The following USH2A variants were observed in gnomAD, a reference collection of about 807,000 sequenced individuals.
USH2A encodes usherin.
USH2A carries 443 observed loss-of-function variants against 538.9 expected under a neutral mutation model. The ratio of observed to expected loss-of-function variants is 0.82; its 90% CI spans 0.76 to 0.89. The LOEUF (loss-of-function observed/expected upper bound fraction) is 0.89. Ranked by LOEUF, USH2A falls within the 40% of genes least tolerant of loss-of-function variation. USH2A has a pLI of 0.00. For missense variants in USH2A, 6,633 were observed against 6,324.8 expected (o/e 1.05, Z -1.65); for synonymous variants, 2,413 against 2,273.5 (o/e 1.06, Z -1.75).
intron 36 of USH2A, among the ~76,000 whole-genome samples, chr1:215,968,264 A>G (rs866915537): frequency 4.6e-5 from 7 of 152,300 alleles, no homozygotes; most frequent in South Asian, 2.1e-4. Context: ...TGAAATTTCC[A>G]TAAGAGTCAA....
At chr1:215,663,259 G>A (rs890199786) in intron 64 of USH2A, among the ~76,000 whole-genome samples, 1 of 152,092 alleles carries the variant, frequency 6.6e-6, no homozygotes, top group Non-Finnish European at 1.5e-5. Context: ...TGAGATCCTG[G>A]GGGGATCGGA....
intron 31 of USH2A, among the ~76,000 whole-genome samples, chr1:216,047,555 A>G (rs916723016): frequency 6.6e-6 from 1 of 152,148 alleles, no homozygotes; most frequent in African/African-American, 2.4e-5. Context: ...TAAGGGTCAC[A>G]AGAAGGATTT....
At chr1:215,981,521 A>C (rs576752225) in intron 35 of USH2A, among the ~76,000 whole-genome samples, 54 of 152,160 alleles carry the variant, frequency 3.5e-4, no homozygotes, top group Middle Eastern at 3.4e-3. Flanking sequence ...TCATTCTTTG[A>C]CTTTCAACCC....
chr1:215,853,934 T>C (rs1186619158), intron 44 of USH2A, among the ~76,000 whole-genome samples: 1 of 152,244 alleles, frequency 6.6e-6, no homozygotes, highest in Non-Finnish European at 1.5e-5. Context: ...TCCTGTCTTC[T>C]TCTGAATCCT....
intron 61 of USH2A, among the ~76,000 whole-genome samples, chr1:215,713,940 C>T (rs1659410425): frequency 6.6e-6 from 1 of 152,174 alleles, no homozygotes. Context: ...GCTGTGTGAC[C>T]TTGGGTATGC....
intron 37 of USH2A, among the ~76,000 whole-genome samples, chr1:215,939,893 C>A (rs1313545839): frequency 1.3e-5 from 2 of 151,982 alleles, no homozygotes; most frequent in Non-Finnish European, 2.9e-5. Flanking sequence ...CATGAACAAC[C>A]AATCAGAATA....
chr1:215,946,263 G>A (rs972227756), intron 37 of USH2A, among the ~76,000 whole-genome samples: 1 of 152,162 alleles, frequency 6.6e-6, no homozygotes, highest in African/African-American at 2.4e-5. Context: ...AAACATGGTG[G>A]TACAACATTA....
At chr1:215,643,219 A>G (rs1354207108) in intron 67 of USH2A, among the ~76,000 whole-genome samples, 2 of 152,022 alleles carry the variant, frequency 1.3e-5, no homozygotes, top group African/African-American at 4.8e-5. Flanking sequence ...GCTCGTCTCA[A>G]ACTCCTGACG....
At chr1:215,883,826 A>C (rs1464095237) in intron 41 of USH2A, among the ~76,000 whole-genome samples, 1 of 152,190 alleles carries the variant, frequency 6.6e-6, no homozygotes, top group East Asian at 1.9e-4. Flanking sequence ...TACAGAAAGT[A>C]CCACCTCATT....
chr1:215,931,174 T>C (rs911810917), intron 38 of USH2A, among the ~76,000 whole-genome samples: 8 of 152,020 alleles, frequency 5.3e-5, no homozygotes, highest in Admixed American at 5.3e-4. Context: ...TGTTCATCTA[T>C]GTGCCAAGTT....
chr1:215,656,830 G>A (rs1301197698), intron 64 of USH2A, among the ~76,000 whole-genome samples: 1 of 152,156 alleles, frequency 6.6e-6, no homozygotes, highest in Non-Finnish European at 1.5e-5. Context: ...AGACATAATT[G>A]TTTATAAAAA....
intron 35 of USH2A, among the ~76,000 whole-genome samples, chr1:215,979,336 G>A (rs531214775): frequency 6.6e-5 from 10 of 152,214 alleles, no homozygotes; most frequent in South Asian, 4.1e-4. Flanking sequence ...CATATCACTC[G>A]ATAAAGTCTA....
intron 15 of USH2A, among the ~76,000 whole-genome samples, chr1:216,215,395 G>T (rs2035323790): frequency 6.6e-6 from 1 of 152,012 alleles, no homozygotes; most frequent in Non-Finnish European, 1.5e-5. Flanking sequence ...TCATATCTTT[G>T]TGAAGCCAAT....
At chr1:215,940,980 T>G (rs532580771) in intron 37 of USH2A, among the ~76,000 whole-genome samples, 1 of 152,234 alleles carries the variant, frequency 6.6e-6, no homozygotes, top group South Asian at 2.1e-4. Flanking sequence ...CTCTAGATCT[T>G]TTTTAACGTG....
At chr1:216,165,576 G>A (rs1354049404) in intron 21 of USH2A, among the ~76,000 whole-genome samples, 1 of 152,064 alleles carries the variant, frequency 6.6e-6, no homozygotes, top group East Asian at 1.9e-4. Context: ...CAAAAACGTG[G>A]ATTTAAAAAT....
chr1:215,983,843 C>A (rs921067851), intron 35 of USH2A, among the ~76,000 whole-genome samples: 4 of 152,176 alleles, frequency 2.6e-5, no homozygotes, highest in Admixed American at 2.0e-4. Flanking sequence ...GATTCCTAGA[C>A]CATTTTAACT....
intron 21 of USH2A, among the ~76,000 whole-genome samples, chr1:216,118,893 G>T (rs747282107): frequency 1.3e-5 from 2 of 152,152 alleles, no homozygotes; most frequent in Non-Finnish European, 2.9e-5. Flanking sequence ...TAAACTCTTG[G>T]CTGTGCCCAA....
At chr1:216,155,853 A>G (rs1208633177) in intron 21 of USH2A, among the ~76,000 whole-genome samples, 1 of 152,192 alleles carries the variant, frequency 6.6e-6, no homozygotes, top group African/African-American at 2.4e-5. Context: ...TAATTCTTAT[A>G]AGGAAGATCT....
intron 5 of USH2A, among the ~76,000 whole-genome samples, 154 bp downstream of exon 5, chr1:216,327,437 C>A (rs1397703512): frequency 6.6e-6 from 1 of 152,070 alleles, no homozygotes; most frequent in East Asian, 1.9e-4. Flanking sequence ...CAACCATAGA[C>A]TAAGCCAAAG....
Sources: allele counts gnomAD v4.1 joint callset (sites outside exome capture counted in the v4.1 genomes callset), GRCh38; gene constraint gnomAD v4.1.1; transcripts MANE v1.5; gene names NCBI Gene and HGNC (gene_info 2026-07-23, HGNC 2026-07-21).